FOXP2: variants seen among roughly 807,000 people sequenced by gnomAD.
FOXP2 encodes forkhead box P2.
A neutral mutation model predicts 115.8 loss-of-function variants in FOXP2; 12 were observed. That is an observed-to-expected ratio of 0.10 (90% CI 0.07 to 0.17). The LOEUF (loss-of-function observed/expected upper bound fraction) is 0.17. Ranked by LOEUF, FOXP2 falls within the 10% of genes least tolerant of loss-of-function variation. The pLI is 1.00. For missense variants in FOXP2, 629 were observed against 843.5 expected (o/e 0.75, Z 3.15); for synonymous variants, 328 against 297.7 (o/e 1.10, Z -1.05).
At chr7:114,527,501 T>C (rs749137915) in intron 2 of FOXP2, among the ~76,000 whole-genome samples, 1 of 152,132 alleles carries the variant, frequency 6.6e-6, no homozygotes, top group East Asian at 1.9e-4. Flanking sequence ...CTCTGTGGTG[T>C]CTTTACCAAC....
intron 16 of FOXP2, among the ~76,000 whole-genome samples, chr7:114,687,221 A>G (rs1273201534): frequency 2.0e-5 from 3 of 152,194 alleles, no homozygotes; most frequent in Admixed American, 6.5e-5. Flanking sequence ...ATGTTCTACA[A>G]ATCCAGTTGG....
chr7:114,416,261 G>A (rs1793337103), intron 1 of FOXP2: 1 of 151,980 alleles, frequency 6.6e-6, no homozygotes. Context: ...ATTTAAGTAT[G>A]CATGAACAAG....
chr7:114,571,782 T>C (rs1801317448), intron 3 of FOXP2, among the ~76,000 whole-genome samples: 1 of 151,870 alleles, frequency 6.6e-6, no homozygotes, highest in African/African-American at 2.4e-5. Context: ...ATGTAAATAG[T>C]ACATCATTTT....
intron 3 of FOXP2, among the ~76,000 whole-genome samples, chr7:114,608,387 T>A (rs1246656747): frequency 6.6e-6 from 1 of 152,212 alleles, no homozygotes; most frequent in Non-Finnish European, 1.5e-5. Context: ...TCTTGGTTTC[T>A]AAAGGCTACC....
intron 2 of FOXP2, among the ~76,000 whole-genome samples, chr7:114,365,935 C>T (rs1379019491): frequency 6.6e-6 from 1 of 151,924 alleles, no homozygotes; most frequent in African/African-American, 2.4e-5. Context: ...AATCATTTCC[C>T]CCAAAATTCC....
intron 2 of FOXP2, among the ~76,000 whole-genome samples, chr7:114,465,988 A>G (rs1795782498): frequency 6.6e-6 from 1 of 152,170 alleles, no homozygotes; most frequent in Non-Finnish European, 1.5e-5. Context: ...CCCACGAAGC[A>G]TTAGCTTTAG....
At chr7:114,249,962 C>A (rs908925701) in intron 1 of FOXP2, among the ~76,000 whole-genome samples, 1 of 131,596 alleles carries the variant, frequency 7.6e-6, no homozygotes, top group African/African-American at 2.8e-5. Context: ...CCCGACCCCA[C>A]AACAGGCCCC....
chr7:114,317,700 A>C (rs1018881895), intron 2 of FOXP2, among the ~76,000 whole-genome samples: 2 of 152,018 alleles, frequency 1.3e-5, no homozygotes, highest in African/African-American at 4.8e-5. Flanking sequence ...AAAACCCTCC[A>C]TCCCCTCCCT....
At chr7:114,489,862 T>G (rs1054448189) in intron 2 of FOXP2, among the ~76,000 whole-genome samples, 6 of 152,160 alleles carry the variant, frequency 3.9e-5, no homozygotes, top group Admixed American at 1.3e-4. Context: ...AAATGCAAAT[T>G]AAAACAACAA....
intron 1 of FOXP2, among the ~76,000 whole-genome samples, chr7:114,280,950 C>T (rs1006210583): frequency 7.9e-5 from 12 of 152,098 alleles, no homozygotes; most frequent in African/African-American, 2.9e-4. Flanking sequence ...AGCATACTTA[C>T]TACATGCTTA....
chr7:114,664,391 A>G lies in FOXP2; in HGVS notation c.1958A>G (p.Asp653Gly). 1 of 1,613,606 alleles carries G rather than the reference A, an allele frequency of 6.2e-7. No homozygotes were observed. Among genetic ancestry groups the G allele is most frequent in the Non-Finnish European group, 8.5e-7 (1 of 1,179,686 alleles). The change falls in exon 16 of 17, where the codon GAC becomes GGC. Residue 653 changes from aspartate (D) to glycine (G), a missense_variant. Around this residue, in one of 9 missense-constraint regions of FOXP2, gnomAD observed 117 missense variants for 112.3 expected, o/e 1.04. Coordinates refer to ENST00000350908, the MANE Select transcript of FOXP2 (RefSeq NM_014491.4). ...EDLNGSLDHI[D>G]SNGNSSPGCS... ...CTCAATGGTTCTCTGGATCACATTG[A>G]CAGCAATGGAAACAGTAGTCCGGGC...
intron 1 of FOXP2, among the ~76,000 whole-genome samples, chr7:114,244,849 C>A (rs1399585830): frequency 6.6e-6 from 1 of 151,944 alleles, no homozygotes; most frequent in Non-Finnish European, 1.5e-5. Context: ...GCAAGCTCCG[C>A]CTCCCGGGTT....
intron 2 of FOXP2, among the ~76,000 whole-genome samples, chr7:114,456,331 A>G (rs1795311581): frequency 6.6e-6 from 1 of 152,216 alleles, no homozygotes; most frequent in Admixed American, 6.5e-5. Context: ...TTTTTAAAAC[A>G]GTAACCCAGG....
At chr7:114,420,152 A>T (rs891080287) in intron 1 of FOXP2, among the ~76,000 whole-genome samples, 7 of 151,886 alleles carry the variant, frequency 4.6e-5, no homozygotes, top group African/African-American at 1.7e-4. Context: ...TTAAGGAAAG[A>T]TATGTGGCAG....
intron 1 of FOXP2, among the ~76,000 whole-genome samples, chr7:114,219,340 A>C (rs2129163362): frequency 6.6e-6 from 1 of 152,302 alleles, no homozygotes; most frequent in African/African-American, 2.4e-5. Flanking sequence ...TGCTTAGCAG[A>C]GTTGGCTAGA....
intron 3 of FOXP2, among the ~76,000 whole-genome samples, chr7:114,628,052 GATT>G (rs1481338627): frequency 6.6e-6 from 1 of 151,860 alleles, no homozygotes; most frequent in African/African-American, 2.4e-5. Flanking sequence ...TGAAGATGAT[GATT>G]ATATTTTTAA....
chr7:114,646,060 T>TAAAAAAAA lies in FOXP2; in HGVS notation c.1094+1286_1094+1293dup, dbSNP rs57137258. On this transcript the variant is annotated intron_variant, in intron 8 of 16. Coordinates refer to ENST00000350908, the MANE Select transcript of FOXP2 (RefSeq NM_014491.4). ...GTAGCTTTGCTGAAGTTTTCTTCTCTAAAAAAAAAAAAAAAAAAAAAATTG... is the reference window on the plus strand; with the variant it reads ...GTAGCTTTGCTGAAGTTTTCTTCTCTAAAAAAAAAAAAAAAAAAAAAAAAAAAAAATTG... Among the ~76,000 whole-genome samples the TAAAAAAAA allele has an allele frequency of 2.4e-3, 204 of 85,616 alleles. 2 individuals are homozygous for TAAAAAAAA. Among genetic ancestry groups the TAAAAAAAA allele is most frequent in the African/African-American group, 6.2e-3 (156 of 25,026 alleles). The allele number at this position is 85,616 out of a possible 152,430, so 56.2% of individuals were successfully genotyped here.
chr7:114,199,866 A>G (rs1040297985), intron 1 of FOXP2, among the ~76,000 whole-genome samples: 1 of 152,222 alleles, frequency 6.6e-6, no homozygotes, highest in African/African-American at 2.4e-5. Context: ...ACTGATATAC[A>G]ACACAGCTGT....
At chr7:114,447,026 A>G (rs1794865853) in intron 2 of FOXP2, among the ~76,000 whole-genome samples, 1 of 152,038 alleles carries the variant, frequency 6.6e-6, no homozygotes, top group South Asian at 2.1e-4. Flanking sequence ...CTGGGACTAC[A>G]AGCATGAGCC....
Sources: allele counts gnomAD v4.1 joint callset (sites outside exome capture counted in the v4.1 genomes callset), GRCh38; gene constraint gnomAD v4.1.1; regional missense constraint gnomAD v4.1.1; transcripts MANE v1.5; gene names NCBI Gene and HGNC (gene_info 2026-07-23, HGNC 2026-07-21).